Variants in SETD1B observed in about 807,000 individuals in gnomAD.
SETD1B encodes SET domain containing 1B, histone lysine methyltransferase, also known as histone-lysine N-methyltransferase SETD1B.
In SETD1B, 7 loss-of-function variants were observed where a neutral mutation model predicts 148.0. That is an observed-to-expected ratio of 0.05 (90% CI 0.03 to 0.09). SETD1B has a LOEUF of 0.09. Among genes scored for constraint, SETD1B ranks in the 10% least tolerant of loss-of-function variants. The probability of loss-of-function intolerance (pLI) is 1.00; values close to 1 mark genes in which losing one functional copy is unlikely to be tolerated. For missense variants in SETD1B, 2,155 were observed against 2,729.9 expected (o/e 0.79, Z 4.69); for synonymous variants, 1,361 against 1,186.5 (o/e 1.15, Z -3.02).
intron 4 of SETD1B, among the ~76,000 whole-genome samples, chr12:121,806,805 G>C (rs1252790050): frequency 6.6e-6 from 1 of 152,222 alleles, no homozygotes; most frequent in Non-Finnish European, 1.5e-5. Context: ...GGAGCTGGCT[G>C]GGGAGGCCAT....
intron 4 of SETD1B, among the ~76,000 whole-genome samples, chr12:121,807,710 G>A (rs1875818591): frequency 6.6e-6 from 1 of 152,152 alleles, no homozygotes; most frequent in Non-Finnish European, 1.5e-5. Flanking sequence ...CCTCAGCCTG[G>A]TCAGGGCCTG....
At chr12:121,798,177 T>C in the SETD1B span, among the ~76,000 whole-genome samples, 4 of 152,204 alleles carry the variant, frequency 2.6e-5, no homozygotes, top group Admixed American at 6.5e-5. Flanking sequence ...CCTGGCTCTA[T>C]TGGTGGTGGC....
chr12:121,804,814 A>C lies in SETD1B; in HGVS notation c.77A>C (p.Asn26Thr). 1 of 1,548,870 alleles carries C rather than the reference A, an allele frequency of 6.5e-7. No individual in the cohort carries two copies. The highest frequency in any genetic ancestry group is 1.4e-5 in the African/African-American group (1 of 72,884). ...PQPGPSGERR[N>T]HHWRSYKLMI... ...CCCGGCCCTTCGGGCGAGAGGAGGA[A>C]CCACCATTGGAGAAGTTACAAGTTG... Residue 26 changes from asparagine (N) to threonine (T), a missense_variant, in exon 2 of 17, where the codon AAC (asparagine) becomes ACC (threonine). Asn to Thr is a moderately conservative substitution (Grantham distance 65, BLOSUM62 0). Around this residue, in one of 11 missense-constraint regions of SETD1B, gnomAD observed 124 missense variants for 282.9 expected, o/e 0.44. Transcript: ENST00000604567. The surrounding 1 kb of genome is among the most constrained non-coding windows in gnomAD (Gnocchi z 4.6).
chr12:121,797,583 A>G, the SETD1B span: 5 of 456,524 alleles, frequency 1.1e-5, no homozygotes, highest in South Asian at 7.7e-5. Flanking sequence ...TGAGCACCCA[A>G]CAGCTCACTG....
chr12:121,825,441 T>C (rs1592991061), intron 13 of SETD1B, 75 bp downstream of exon 13: 2 of 1,306,118 alleles, frequency 1.5e-6, no homozygotes, highest in East Asian at 7.3e-5. Flanking sequence ...CATGGAGGGG[T>C]GCCAGGCAGA....
chr12:121,820,352 C>G (rs760451088), intron 11 of SETD1B, among the ~76,000 whole-genome samples: 7 of 152,226 alleles, frequency 4.6e-5, no homozygotes, highest in Non-Finnish European at 8.8e-5. Context: ...GTAGAACTTT[C>G]CACAGTGATG....
At chr12:121,797,074 C>A in the SETD1B span, 11 of 215,274 alleles carry the variant, frequency 5.1e-5, no homozygotes, top group Non-Finnish European at 9.5e-5. Context: ...CTCCTCCCAG[C>A]GCTCAGGGGC....
At chr12:121,796,672 G>A in the SETD1B span, among the ~76,000 whole-genome samples, 4 of 152,248 alleles carry the variant, frequency 2.6e-5, no homozygotes, top group East Asian at 7.7e-4. Flanking sequence ...AGCACTCGGG[G>A]ACAGGCCAGA....
chr12:121,814,451 C>T lies in SETD1B; in HGVS notation c.2236C>T (p.Pro746Ser). 4 of 1,445,928 alleles carry T rather than the reference C, an allele frequency of 2.8e-6. No individual in the cohort carries two copies. The highest frequency in any genetic ancestry group is 3.6e-6 in the Non-Finnish European group (4 of 1,096,672). 89.6% of individuals were successfully genotyped at this position (1,445,928 alleles called of 1,614,324 possible). Reference sequence around the variant, plus strand: ...GCCCCCACCCATCCTGCCACCACTGCCCCCCTTTCCGCCGGGCCTGTTCCC... The same window carrying T: ...GCCCCCACCCATCCTGCCACCACTGTCCCCCTTTCCGCCGGGCCTGTTCCC... ...VPPPPILPPL[P>S]PFPPGLFPVM... The change falls in exon 7 of 17, where the codon CCC becomes TCC. Residue 746 changes from proline (P) to serine (S), a missense_variant. Pro to Ser is a moderately conservative substitution (Grantham distance 74, BLOSUM62 -1). Around this residue, in one of 11 missense-constraint regions of SETD1B, gnomAD observed 295 missense variants for 303.8 expected, o/e 0.97. Coordinates refer to ENST00000604567, the MANE Select transcript of SETD1B (RefSeq NM_001353345.2).
chr12:121,796,158 T>G, the SETD1B span: 1 of 152,592 alleles, frequency 6.6e-6, no homozygotes. Flanking sequence ...ACTGAGGAAC[T>G]GGGCATGCCC....
chr12:121,810,215 G>A lies in SETD1B; in HGVS notation c.1270G>A (p.Asp424Asn), dbSNP rs1474747213. The A allele has an allele frequency of 1.6e-5, 25 of 1,549,116 alleles. No homozygotes were observed. The highest frequency in any genetic ancestry group is 2.0e-5 in the Non-Finnish European group (23 of 1,146,846). ...PTATAAFGAR[D>N]SGEFRRAPAP... Reference sequence around the variant, plus strand: ...CGCCACAGCCGCTTTTGGGGCCCGCGACAGTGGGGAGTTCCGGAGGGCACC... The same window carrying A: ...CGCCACAGCCGCTTTTGGGGCCCGCAACAGTGGGGAGTTCCGGAGGGCACC... Residue 424 changes from aspartate (D) to asparagine (N), a missense_variant, in exon 6 of 17, where the codon GAC becomes AAC. This residue lies in a region of SETD1B where 376 missense variants were observed against 385.0 expected (regional missense o/e 0.98). Transcript: ENST00000604567. The surrounding 1 kb of genome is among the most constrained non-coding windows in gnomAD (Gnocchi z 7.6).
At position 121,808,793 on chromosome 12, in the gene SETD1B, C is replaced by T. The variant is rs137924675; in HGVS notation, c.657+473C>T. Among the ~76,000 whole-genome samples the T allele has an allele frequency of 7.2e-4, 109 of 152,332 alleles. 1 individual carries two copies. The East Asian group carries it at 0.011, about 16-fold the overall frequency. On this transcript the variant is annotated intron_variant, in intron 5 of 16. Transcript: ENST00000604567. This position sits in a 1 kb window ranked among gnomAD's most constrained non-coding sequence, Gnocchi z 5.3. ...TTCCAGGACACAGGGACAACTCTCG[C>T]GTGGGGCGAGTCTCATGCCAGCTCC...
rs766059142 is a variant in SETD1B, at chr12:121,814,845, A to G, written c.2630A>G (p.Lys877Arg). 1.9e-6 allele frequency: 3 copies of G among 1,551,598 alleles called. No homozygotes were observed. In the South Asian group the frequency reaches 3.6e-5, roughly 18 times the overall value. The change falls in exon 7 of 17, where the codon AAG becomes AGG. Residue 877 changes from lysine (K) to arginine (R), a missense_variant. This residue lies in a region of SETD1B where 289 missense variants were observed against 423.7 expected (regional missense o/e 0.68). Coordinates refer to ENST00000604567, the MANE Select transcript of SETD1B (RefSeq NM_001353345.2). The part of the protein sequence containing the change: ...VVLKELKAIM[K>R]RDLNRKMVEV... ...CTCAAAGAACTCAAGGCCATCATGA[A>G]GCGTGACCTGAACCGCAAGATGGTG... is the stretch of plus-strand genomic sequence containing the variant.
intron 13 of SETD1B, 37 bp from the exon 14 acceptor site, chr12:121,827,482 G>C: frequency 6.7e-7 from 1 of 1,501,396 alleles, no homozygotes; most frequent in South Asian, 1.2e-5. Context: ...CGAGGACACG[G>C]CCAGCTCCGC....
chr12:121,792,764 C>T, the SETD1B span, among the ~76,000 whole-genome samples: 1 of 152,214 alleles, frequency 6.6e-6, no homozygotes. Context: ...ACAGCCCAGG[C>T]AATCCGAGCA....
Position 121,814,422 on chromosome 12 carries a change from T to TC in SETD1B, c.2210dup (p.Pro738AlafsTer104). The TC allele has an allele frequency of 5.7e-6, 8 of 1,407,186 alleles. No homozygotes were observed. Among genetic ancestry groups the TC allele is most frequent in the African/African-American group, 1.6e-5 (1 of 63,226 alleles). 87.2% of individuals were successfully genotyped at this position (1,407,186 alleles called of 1,614,324 possible). The stretch of plus-strand genomic sequence containing the variant: ...CCACCCTTGCCAGCGCCGCCTGGAG[T>TC]CCCGCCCCCACCCATCCTGCCACCA... On this transcript the variant is annotated frameshift_variant, in exon 7 of 17. Coordinates refer to ENST00000604567, the MANE Select transcript of SETD1B (RefSeq NM_001353345.2). LOFTEE classifies it high-confidence loss of function.
upstream of SETD1B, chr12:121,799,731 T>TGGGGGGGGGGGGGGGGGGGGGGGGGGG (rs1308261766): frequency 3.2e-4 from 10 of 31,728 alleles, no homozygotes; most frequent in Non-Finnish European, 5.5e-4. Context: ...GGGGGGGGGG[T>TGGGGGGGGGGGGGGGGGGGGGGGGGGG]GGGGTGGGGC....
At chr12:121,820,530 T>A (rs1876517145) in intron 11 of SETD1B, among the ~76,000 whole-genome samples, 1 of 152,176 alleles carries the variant, frequency 6.6e-6, no homozygotes, top group Non-Finnish European at 1.5e-5. Context: ...CCTCTTTTTT[T>A]ATTTTTATTT....
chr12:121,825,945 C>T lies in SETD1B; in HGVS notation c.5337+579C>T, dbSNP rs749090078. Among the ~76,000 whole-genome samples the T allele has an allele frequency of 3.3e-5, 5 of 152,088 alleles. No individual in the cohort carries two copies. In the East Asian group the frequency reaches 5.8e-4, roughly 18 times the overall value. ...ATAAGCATAAGCCACATCGCATGGC[C>T]TCATTCATTCTTTTTTTAATCCAGT... is the stretch of plus-strand genomic sequence containing the variant. On this transcript the variant is annotated intron_variant, in intron 13 of 16. Transcript: ENST00000604567.
Sources: allele counts gnomAD v4.1 joint callset (sites outside exome capture counted in the v4.1 genomes callset), GRCh38; gene constraint gnomAD v4.1.1; regional missense constraint gnomAD v4.1.1; non-coding constraint Gnocchi (gnomAD v3.1); transcripts MANE v1.5; gene names NCBI Gene and HGNC (gene_info 2026-07-23, HGNC 2026-07-21).